CALHM2: variants seen among roughly 807,000 people sequenced by gnomAD.
CALHM2 encodes calcium homeostasis modulator family member 2, also known as calcium homeostasis modulator protein 2.
A neutral mutation model predicts 20.4 loss-of-function variants in CALHM2; 18 were observed. The ratio of observed to expected loss-of-function variants is 0.88; its 90% CI spans 0.61 to 1.31. The LOEUF is 1.31. Among genes scored for constraint, CALHM2 ranks in the 50% most tolerant of loss-of-function variants. The pLI, the probability that CALHM2 is intolerant of heterozygous loss-of-function variation, is 0.00. For synonymous variants in CALHM2, 193 were observed against 192.1 expected, an observed-to-expected ratio of 1.00 and a Z score of -0.04; for missense variants, 411 against 435.7, an observed-to-expected ratio of 0.94 and a Z score of 0.50.
intron 3 of CALHM2, 82 bp downstream of exon 3, chr10:103,449,305 C>G (rs2032834883): frequency 7.8e-7 from 1 of 1,282,516 alleles, no homozygotes; most frequent in African/African-American, 1.5e-5. Flanking sequence ...AGGACCAACC[C>G]CAGCTTTAGC....
intron 1 of CALHM2, chr10:103,451,739 T>G (rs2033006540): frequency 6.5e-6 from 1 of 153,262 alleles, no homozygotes; most frequent in Non-Finnish European, 1.5e-5. Context: ...GAAAGGCAGT[T>G]TGCATCACTG....
rs756784159 is a variant in CALHM2 at position 103,447,382 on chromosome 10, G to A, written c.742C>T (p.Arg248Cys). The A allele has an allele frequency of 1.4e-5, 23 of 1,613,942 alleles. No homozygotes were observed. The highest frequency in any genetic ancestry group is 5.3e-5 in the African/African-American group (4 of 74,944). Reference sequence around the variant, plus strand: ...AGCGCCACAAAGCCAAAGAAGCGGCGCACATTGTTGGCAGCGAGCACCCGA... The same window carrying A: ...AGCGCCACAAAGCCAAAGAAGCGGCACACATTGTTGGCAGCGAGCACCCGA... ...HSRVLAANNV[R>C]RFFGFVALNK... The change falls in exon 4 of 4, where the codon CGC becomes TGC. Residue 248 changes from arginine (R) to cysteine (C), a missense_variant. Transcript: ENST00000260743.
In CALHM2 at chr10:103,449,991, G is replaced by A. The variant is rs534449655; in HGVS notation, c.-50C>T. 5.9e-5 allele frequency: 90 copies of A among 1,531,214 alleles called. No homozygotes were observed. Among genetic ancestry groups the A allele is most frequent in the Non-Finnish European group, 7.5e-5 (84 of 1,122,652 alleles). The allele number at this position is 1,531,214 out of a possible 1,614,324, so 94.9% of individuals were successfully genotyped here. A position where few individuals can be genotyped will look rare whatever the true frequency, so the allele number is the denominator to read the frequency against. ...TGCAGGAGAGGAGGCAGGAGGAGAC[G>A]GGATTGATGGTTGCTGGTGGTACTA... On this transcript the variant is annotated 5_prime_UTR_variant, in exon 3 of 4. Transcript: ENST00000260743.
chr10:103,450,297 C>A, intron 2 of CALHM2, 198 bp from the exon 3 acceptor site: 1 of 253,120 alleles, frequency 4.0e-6, no homozygotes, highest in East Asian at 8.2e-5. Flanking sequence ...GCTGTGTGCC[C>A]GCCGTGCACT....
In CALHM2 at chr10:103,447,434, C is replaced by T; in HGVS notation, c.690G>A (p.Leu230=). The T allele has an allele frequency of 2.5e-6, 4 of 1,614,236 alleles. No homozygotes were observed. Among genetic ancestry groups the T allele is most frequent in the Non-Finnish European group, 2.5e-6 (3 of 1,180,034 alleles). ...WAQYRANEDQ[L]FQRTAEVHSR... The stretch of plus-strand genomic sequence containing the variant: ...AGTGCACCTCGGCCGTGCGCTGGAA[C>T]AGCTGGTCCTCATTGGCGCGGTACT... The change falls in exon 4 of 4, where the codon CTG becomes CTA. Residue 230 remains leucine, a synonymous_variant. Transcript: ENST00000260743.
chr10:103,447,486 C>T lies in CALHM2; in HGVS notation c.638G>A (p.Ser213Asn). ...CGCCCAGTAGGCCTCCTGGCGGTAGCTGAGTGGTGAGCAGTAATGCTTGAG... is the reference window on the plus strand; with the variant it reads ...CGCCCAGTAGGCCTCCTGGCGGTAGTTGAGTGGTGAGCAGTAATGCTTGAG... ...KCLKHYCSPL[S>N]YRQEAYWAQY... The change falls in exon 4 of 4, where the codon AGC (serine) becomes AAC (asparagine). Residue 213 changes from serine (S) to asparagine (N), a missense_variant. By Grantham distance (46) the Ser-to-Asn change is conservative (BLOSUM62 1). Coordinates refer to ENST00000260743, the MANE Select transcript of CALHM2 (RefSeq NM_015916.5). 1.2e-6 allele frequency: 2 copies of T among 1,613,932 alleles called. No individual in the cohort carries two copies. Among genetic ancestry groups the T allele is most frequent in the Non-Finnish European group, 1.7e-6 (2 of 1,179,844 alleles).
chr10:103,448,564 AC>A (rs1209268884), intron 3 of CALHM2, among the ~76,000 whole-genome samples: 3 of 151,772 alleles, frequency 2.0e-5, no homozygotes, highest in African/African-American at 7.3e-5. Flanking sequence ...TACTAAAAAT[AC>A]AAAAATTAGG....
In CALHM2 at chr10:103,447,296, TG is replaced by T; in HGVS notation, c.827del (p.Pro276HisfsTer80). The T allele has an allele frequency of 1.2e-6, 2 of 1,614,242 alleles. No homozygotes were observed. Among genetic ancestry groups the T allele is most frequent in the Non-Finnish European group, 1.7e-6 (2 of 1,180,030 alleles). On this transcript the variant is annotated frameshift_variant, in exon 4 of 4. Coordinates refer to ENST00000260743, the MANE Select transcript of CALHM2 (RefSeq NM_015916.5). LOFTEE classifies it high-confidence loss of function. The part of the protein sequence containing the change: ...NFPVEGTQPR[P>X]QWNAITGVYL... ...AGACGCCGGTGATGGCATTCCACTG[TG>T]GCCGTGGCTGCGTGCCTTCCACTGG...
At position 103,447,557 on chromosome 10, in the gene CALHM2, C is replaced by G; in HGVS notation, c.567G>C (p.Trp189Cys). 1 of 1,592,624 alleles carries G rather than the reference C, an allele frequency of 6.3e-7. No individual in the cohort carries two copies. The highest frequency in any genetic ancestry group is 8.6e-7 in the Non-Finnish European group (1 of 1,166,964). The change falls in exon 4 of 4, where the codon TGG becomes TGC. Residue 189 changes from tryptophan (W) to cysteine (C), a missense_variant. By Grantham distance (215) the Trp-to-Cys change is radical. Transcript: ENST00000260743. ...GGATGGCCACCACGCCGATGAGCAGCCATCCAAAGAGCTGGCCAGAGAATG... is the reference window on the plus strand; with the variant it reads ...GGATGGCCACCACGCCGATGAGCAGGCATCCAAAGAGCTGGCCAGAGAATG... ...RLRYESQLFGWLLIGVVAILV... is the reference protein window; with the variant it reads ...RLRYESQLFGCLLIGVVAILV...
In CALHM2 at chr10:103,452,254, C is replaced by A. The variant is rs1008669705; in HGVS notation, c.-460G>T. 4.6e-5 allele frequency: 7 copies of A among 152,858 alleles called. No individual in the cohort carries two copies. Among genetic ancestry groups the A allele is most frequent in the African/African-American group, 1.7e-4 (7 of 41,476 alleles). 9.5% of individuals were successfully genotyped at this position (152,858 alleles called of 1,614,324 possible). A position where few individuals can be genotyped will look rare whatever the true frequency, so the allele number is the denominator to read the frequency against. On this transcript the variant is annotated 5_prime_UTR_variant, in exon 1 of 4. Transcript: ENST00000260743. ...GGTGCAGGGCAGCGGCGGCCTCCGC[C>A]GTTCCCTCCCGCTTTTCTTCTGCAC...
At chr10:103,450,487 G>A (rs750810642) in intron 2 of CALHM2, 27 of 160,472 alleles carry the variant, frequency 1.7e-4, no homozygotes, top group Admixed American at 8.1e-4. Context: ...GGTGCTGACC[G>A]GCTTTCCCTC....
Position 103,449,389 on chromosome 10 carries a change from G to A in CALHM2, c.553C>T (p.Gln185Ter), listed in dbSNP as rs974697062. 4.3e-6 allele frequency: 7 copies of A among 1,612,168 alleles called. No homozygotes were observed. The highest frequency in any genetic ancestry group is 1.3e-5 in the African/African-American group (1 of 75,034). Reference protein sequence around the residue: ...EVSRRLRYESQLFGWLLIGVV... With the variant: ...EVSRRLRYES ...CTTCCCTTTGCACAGCTCCTTACCT[G>A]GGACTCATACCTGAGCCTGCGGCTG... Residue 185 changes from glutamine (Q) to a stop codon, truncating the protein, a stop_gained and splice_region_variant, in exon 3 of 4, where the codon CAG (glutamine) becomes TAG (stop). Coordinates refer to ENST00000260743, the MANE Select transcript of CALHM2 (RefSeq NM_015916.5). LOFTEE classifies it high-confidence loss of function.
rs563978004 is a variant in CALHM2 at position 103,450,333 on chromosome 10, C to T, written c.-158-234G>A. On this transcript the variant is annotated intron_variant, in intron 2 of 3. Coordinates refer to ENST00000260743, the MANE Select transcript of CALHM2 (RefSeq NM_015916.5). ...AGGGAAAGTGAAGGCTTCCTGAGGA[C>T]GAGTGGCTCGCCAGGGTCACAGATG... 1.3e-3 allele frequency: 277 copies of T among 210,912 alleles called. 2 individuals are homozygous for T. Among genetic ancestry groups the T allele is most frequent in the African/African-American group, 5.9e-3 (258 of 43,920 alleles). The allele number at this position is 210,912 out of a possible 1,614,324, so 13.1% of individuals were successfully genotyped here.
rs879494378 is a variant in CALHM2, at chr10:103,447,395, A to G, written c.729T>C (p.Ala243=). The G allele has an allele frequency of 3.7e-6, 6 of 1,614,104 alleles. No individual in the cohort carries two copies. Among genetic ancestry groups the G allele is most frequent in the Non-Finnish European group, 5.1e-6 (6 of 1,179,916 alleles). ...RTAEVHSRVL[A]ANNVRRFFGF... ...CAAAGAAGCGGCGCACATTGTTGGC[A>G]GCGAGCACCCGAGAGTGCACCTCGG... is the stretch of plus-strand genomic sequence containing the variant. Residue 243 remains alanine, a synonymous_variant, in exon 4 of 4, where the codon GCT becomes GCC. Coordinates refer to ENST00000260743, the MANE Select transcript of CALHM2 (RefSeq NM_015916.5).
chr10:103,451,609 G>A (rs1592154294), intron 1 of CALHM2: 1 of 155,280 alleles, frequency 6.4e-6, no homozygotes, highest in East Asian at 1.9e-4. Context: ...CCAAGAAAAG[G>A]AGAAGCTGGA....
At chr10:103,451,561 C>T (rs2032986174) in intron 1 of CALHM2, 1 of 153,152 alleles carries the variant, frequency 6.5e-6, no homozygotes, top group Admixed American at 6.6e-5. Flanking sequence ...GGAAGGCTGC[C>T]AGATGGGCTC....
rs369301928 is a variant in CALHM2, at chr10:103,447,245, G to A, written c.879C>T (p.Leu293=). The part of the protein sequence containing the change: ...GVYLYRENQG[L]PLYSRLHKWA... ...ACTTGTGCAGGCGGCTGTAGAGTGGGAGGCCCTGGTTCTCACGGTACAAGT... is the reference window on the plus strand; with the variant it reads ...ACTTGTGCAGGCGGCTGTAGAGTGGAAGGCCCTGGTTCTCACGGTACAAGT... The change falls in exon 4 of 4, where the codon CTC becomes CTT. Residue 293 remains leucine, a synonymous_variant. Transcript: ENST00000260743. The A allele has an allele frequency of 1.9e-6, 3 of 1,614,236 alleles. No homozygotes were observed. The highest frequency in any genetic ancestry group is 1.1e-5 in the South Asian group (1 of 91,088).
rs1002926589 is a variant in CALHM2, at chr10:103,449,911, A to C, written c.31T>G (p.Phe11Val). Residue 11 changes from phenylalanine (F) to valine (V), a missense_variant, in exon 3 of 4, where the codon TTC becomes GTC. Physicochemically the swap from Phe to Val is conservative, Grantham distance 50 (BLOSUM62 -1). Coordinates refer to ENST00000260743, the MANE Select transcript of CALHM2 (RefSeq NM_015916.5). MAALIAENFR[F>V]LSLFFKSKDV... ...TTGCTCTTGAAGAAAAGTGACAGGA[A>C]GCGGAAGTTCTCTGCGATCAGGGCT... 1.4e-5 allele frequency: 23 copies of C among 1,612,316 alleles called. 1 individual carries two copies. Among genetic ancestry groups the C allele is most frequent in the Non-Finnish European group, 1.6e-5 (19 of 1,179,472 alleles).
In CALHM2 at chr10:103,450,003, T is replaced by C; in HGVS notation, c.-62A>G. 6.7e-7 allele frequency: 1 copy of C among 1,488,588 alleles called. No individual in the cohort carries two copies. The highest frequency in any genetic ancestry group is 9.2e-7 in the Non-Finnish European group (1 of 1,088,798). 92.2% of individuals were successfully genotyped at this position (1,488,588 alleles called of 1,614,324 possible). On this transcript the variant is annotated 5_prime_UTR_variant, in exon 3 of 4. Coordinates refer to ENST00000260743, the MANE Select transcript of CALHM2 (RefSeq NM_015916.5). ...GGCAGGAGGAGACGGGATTGATGGT[T>C]GCTGGTGGTACTAGGAAGGGGCACA... is the stretch of plus-strand genomic sequence containing the variant.
Sources: gnomAD v4.1 joint callset for allele counts (sites outside exome capture counted in the v4.1 genomes callset) on GRCh38, gnomAD v4.1.1 for gene constraint, MANE v1.5 for transcripts, NCBI Gene and HGNC (gene_info 2026-07-23, HGNC 2026-07-21) for gene names.